The following AEBP1 variants were observed in gnomAD, a reference collection of about 807,000 sequenced individuals.
The protein encoded by AEBP1 is AE binding protein 1.
In AEBP1, 69 loss-of-function variants were observed where a neutral mutation model predicts 116.5. That is an observed-to-expected ratio of 0.59 (90% CI 0.49 to 0.72). The LOEUF is 0.72. Among genes scored for constraint, AEBP1 ranks in the 30% least tolerant of loss-of-function variants. The probability of loss-of-function intolerance (pLI) is 0.00; values close to 1 mark genes in which losing one functional copy is unlikely to be tolerated. For synonymous variants in AEBP1, 627 were observed against 627.3 expected, an observed-to-expected ratio of 1.00 and a Z score of 0.01; for missense variants, 1,444 against 1,557.5, an observed-to-expected ratio of 0.93 and a Z score of 1.23.
intron 1 of AEBP1, among the ~76,000 whole-genome samples, chr7:44,105,349 TGA>T (rs1256215286): frequency 1.3e-5 from 2 of 151,980 alleles, no homozygotes; most frequent in East Asian, 3.9e-4. Context: ...CTCACGTAGG[TGA>T]GAGAGTTTCA....
chr7:44,104,908 G>C lies in AEBP1; in HGVS notation c.243G>C (p.Thr81=). 6.5e-7 allele frequency: 1 copy of C among 1,543,694 alleles called. No homozygotes were observed. The highest frequency in any genetic ancestry group is 8.7e-7 in the Non-Finnish European group (1 of 1,143,592). The change falls in exon 1 of 21, where the codon ACG becomes ACC. Residue 81 remains threonine, a synonymous_variant. Transcript: ENST00000223357. Reference sequence around the variant, plus strand: ...GCAAGCCAGGGAAGCGGCCAGGGACGGCCGCAGAAGGTAAGAGCCCAGGGC... The same window carrying C: ...GCAAGCCAGGGAAGCGGCCAGGGACCGCCGCAGAAGGTAAGAGCCCAGGGC... The part of the protein sequence containing the change: ...AGGKPGKRPG[T]AAEVPPEKTK...
Position 44,111,971 on chromosome 7 carries a change from T to C in AEBP1, c.1958T>C (p.Val653Ala). Residue 653 changes from valine to alanine, a missense_variant, in exon 16 of 21, where the codon GTG (valine) becomes GCG (alanine). Val to Ala is a moderately conservative substitution (Grantham distance 64, BLOSUM62 0). Transcript: ENST00000223357. The surrounding 1 kb of genome is among the most constrained non-coding windows in gnomAD (Gnocchi z 4.7). ...GAGTACCGCGATGGGAACCCACGTG[T>C]GCGCAGCCTGGTGCAGGACACACGC... Reference protein sequence around the residue: ...CREYRDGNPRVRSLVQDTRIH... With the variant: ...CREYRDGNPRARSLVQDTRIH... The C allele has an allele frequency of 6.2e-7, 1 of 1,613,836 alleles. No homozygotes were observed. The highest frequency in any genetic ancestry group is 8.5e-7 in the Non-Finnish European group (1 of 1,180,020).
rs747660366 is a variant in AEBP1, at chr7:44,104,746, G to C, written c.81G>C (p.Thr27=). Residue 27 remains threonine, a synonymous_variant, in exon 1 of 21, where the codon ACG becomes ACC. Coordinates refer to ENST00000223357, the MANE Select transcript of AEBP1 (RefSeq NM_001129.5). ...TGTGCCCTGGAGGGCGCCCGCAGACGGTGCTGACCGACGACGAGATCGAGG... is the reference window on the plus strand; with the variant it reads ...TGTGCCCTGGAGGGCGCCCGCAGACCGTGCTGACCGACGACGAGATCGAGG... ...LALCPGGRPQ[T]VLTDDEIEEF... is the part of the protein sequence containing the mutation. 2 of 1,611,530 alleles carry C rather than the reference G, an allele frequency of 1.2e-6. No individual in the cohort carries two copies. Among genetic ancestry groups the C allele is most frequent in the African/African-American group, 1.3e-5 (1 of 74,900 alleles).
In AEBP1 at chr7:44,113,724, C is replaced by A. The variant is rs776691425; in HGVS notation, c.2940C>A (p.Phe980Leu). The A allele has an allele frequency of 6.2e-7, 1 of 1,613,998 alleles. No individual in the cohort carries two copies. The highest frequency in any genetic ancestry group is 1.3e-5 in the African/African-American group (1 of 74,906). ...DYDIGATQCN[F>L]ILARSNWKRI... ...ACATCGGGGCCACTCAGTGCAACTT[C>A]ATCCTGGCTCGCTCCAACTGGAAGC... The change falls in exon 21 of 21, where the codon TTC becomes TTA. Residue 980 changes from phenylalanine to leucine, a missense_variant. Phe to Leu is a conservative substitution (Grantham distance 22, BLOSUM62 0). Transcript: ENST00000223357. This position sits in a 1 kb window ranked among gnomAD's most constrained non-coding sequence, Gnocchi z 5.3.
Position 44,113,529 on chromosome 7 carries a change from CT to C in AEBP1, c.2810-64del. 7.8e-7 allele frequency: 1 copy of C among 1,285,608 alleles called. No homozygotes were observed. Among genetic ancestry groups the C allele is most frequent in the African/African-American group, 2.3e-5 (1 of 44,182 alleles). 79.6% of individuals were successfully genotyped at this position (1,285,608 alleles called of 1,614,324 possible). On this transcript the variant is annotated intron_variant, in intron 20 of 20. Transcript: ENST00000223357. This position sits in a 1 kb window ranked among gnomAD's most constrained non-coding sequence, Gnocchi z 5.3. ...GGGGAGGGCGGGGCTGGGGGCAGGACTGAGTGGGAGGGTGGGGGCCTGGGAG... is the reference window on the plus strand; with the variant it reads ...GGGGAGGGCGGGGCTGGGGGCAGGACGAGTGGGAGGGTGGGGGCCTGGGAG...
chr7:44,106,507 TG>T, intron 1 of AEBP1, 38 bp from the exon 2 acceptor site: 1 of 1,535,546 alleles, frequency 6.5e-7, no homozygotes, highest in Non-Finnish European at 8.8e-7. Context: ...GGCACAGAGC[TG>T]GCTCTGTTCA....
Position 44,113,432 on chromosome 7 carries a change from G to T in AEBP1, c.2809+81G>T. 6.7e-7 allele frequency: 1 copy of T among 1,495,576 alleles called. No individual in the cohort carries two copies. Among genetic ancestry groups the T allele is most frequent in the South Asian group, 1.2e-5 (1 of 82,328 alleles). 92.6% of individuals were successfully genotyped at this position (1,495,576 alleles called of 1,614,324 possible). A position where few individuals can be genotyped will look rare whatever the true frequency, so the allele number is the denominator to read the frequency against. ...GGTGGGGGCTTGAGGAACTCAGCGA[G>T]CAGGTAGAGTCTGGGGAGCCTGGGG... On this transcript the variant is annotated intron_variant, in intron 20 of 20. Transcript: ENST00000223357. This position sits in a 1 kb window ranked among gnomAD's most constrained non-coding sequence, Gnocchi z 5.3.
At chr7:44,109,470 C>T (rs1040251347) in intron 9 of AEBP1, 129 bp downstream of exon 9, 70 of 1,170,972 alleles carry the variant, frequency 6.0e-5, no homozygotes, top group Non-Finnish European at 7.9e-5. Flanking sequence ...TCTTGGGACC[C>T]AGAAGGGAGG....
chr7:44,104,811 C>A lies in AEBP1; in HGVS notation c.146C>A (p.Pro49His), dbSNP rs546918357. The A allele has an allele frequency of 3.7e-6, 6 of 1,606,648 alleles. No individual in the cohort carries two copies. The highest frequency in any genetic ancestry group is 4.5e-5 in the East Asian group (2 of 44,506). ...EGFLSELEPE[P>H]REDDVEAPPP... is the part of the protein sequence containing the mutation. ...TTCCTGTCAGAGCTAGAACCTGAGC[C>A]CCGGGAGGACGACGTGGAGGCCCCG... Residue 49 changes from proline to histidine, a missense_variant, in exon 1 of 21, where the codon CCC (proline) becomes CAC (histidine). By Grantham distance (77) the Pro-to-His change is moderately conservative (BLOSUM62 -2). Coordinates refer to ENST00000223357, the MANE Select transcript of AEBP1 (RefSeq NM_001129.5).
rs778213885 is a variant in AEBP1 at position 44,109,350 on chromosome 7, G to A, written c.1150+9G>A. 3.4e-5 allele frequency: 54 copies of A among 1,574,042 alleles called. No individual in the cohort carries two copies. The highest frequency in any genetic ancestry group is 4.6e-5 in the Non-Finnish European group (54 of 1,161,744). ...GCCTACGGAGAAAGTCAGTAAGTGG[G>A]GGGCACAAGGGGGTGAGGGTGGGGG... On this transcript the variant is annotated intron_variant, in intron 9 of 20. Coordinates refer to ENST00000223357, the MANE Select transcript of AEBP1 (RefSeq NM_001129.5).
At chr7:44,106,494 G>C in intron 1 of AEBP1, 52 bp from the exon 2 acceptor site, 1 of 1,510,002 alleles carries the variant, frequency 6.6e-7, no homozygotes, top group Non-Finnish European at 8.9e-7. Context: ...GGGGCCTCAT[G>C]GGGGCACAGA....
At chr7:44,105,223 C>T (rs1198174783) in intron 1 of AEBP1, among the ~76,000 whole-genome samples, 1 of 152,200 alleles carries the variant, frequency 6.6e-6, no homozygotes, top group Non-Finnish European at 1.5e-5. Context: ...TAGGCTTGAG[C>T]CACAGGGGAC....
At chr7:44,110,392 A>C (rs1226183069) in intron 11 of AEBP1, 46 bp downstream of exon 11, 1 of 1,612,396 alleles carries the variant, frequency 6.2e-7, no homozygotes, top group Non-Finnish European at 8.5e-7. Context: ...GAGTGGCTAC[A>C]TAGGCATGGC....
rs760018361 is a variant in AEBP1, at chr7:44,108,113, G to A, written c.940+29G>A. ...AGTACCCAGCACCCCAGAGTCTGAG[G>A]GACATAGGCAGGTGGGGGTCGGGGC... On this transcript the variant is annotated intron_variant, in intron 6 of 20. Coordinates refer to ENST00000223357, the MANE Select transcript of AEBP1 (RefSeq NM_001129.5). This position sits in a 1 kb window ranked among gnomAD's most constrained non-coding sequence, Gnocchi z 5.0. 3.4e-5 allele frequency: 54 copies of A among 1,577,602 alleles called. No homozygotes were observed. In the Admixed American group the frequency reaches 4.0e-4, roughly 12 times the overall value.
chr7:44,110,368 T>C (rs749590785), intron 11 of AEBP1, 22 bp downstream of exon 11: 1 of 1,613,310 alleles, frequency 6.2e-7, no homozygotes, highest in South Asian at 1.1e-5. Flanking sequence ...GGCTCATGGA[T>C]AGTTGGCAGA....
At chr7:44,110,692 A>C in intron 11 of AEBP1, 33 bp from the exon 12 acceptor site, 2 of 1,501,714 alleles carry the variant, frequency 1.3e-6, no homozygotes, top group Non-Finnish European at 1.8e-6. Flanking sequence ...GGGAGGGGGA[A>C]GACCCTTGCT....
Position 44,114,300 on chromosome 7 carries a change from ACAGCAG to A in AEBP1, c.*45_*50del. On this transcript the variant is annotated 3_prime_UTR_variant, in exon 21 of 21. Coordinates refer to ENST00000223357, the MANE Select transcript of AEBP1 (RefSeq NM_001129.5). The stretch of plus-strand genomic sequence containing the variant: ...CCAAGACCCCAGCCCAACTCAAGCT[ACAGCAG>A]CAGCACTTCCCAAGCCTGCTGACCA... 6.2e-7 allele frequency: 1 copy of A among 1,606,142 alleles called. No homozygotes were observed. Among genetic ancestry groups the A allele is most frequent in the Non-Finnish European group, 8.5e-7 (1 of 1,174,036 alleles).
rs2096230272 is a variant in AEBP1 at position 44,112,224 on chromosome 7, CTG to C, written c.2123_2124del (p.Val708AlafsTer5). On this transcript the variant is annotated frameshift_variant, in exon 17 of 21. Transcript: ENST00000223357. LOFTEE classifies it high-confidence loss of function. The surrounding 1 kb of genome is among the most constrained non-coding windows in gnomAD (Gnocchi z 6.6). ...TTTGAAGATTTCCCGGATCTCAACTCTGTGCTCTGGGGAGCTGAGGAGAGGAA... is the reference window on the plus strand; with the variant it reads ...TTTGAAGATTTCCCGGATCTCAACTCTGCTCTGGGGAGCTGAGGAGAGGAA... The C allele has an allele frequency of 6.2e-7, 1 of 1,609,842 alleles. No homozygotes were observed. The highest frequency in any genetic ancestry group is 2.2e-5 in the East Asian group (1 of 44,720).
chr7:44,112,143 GC>G lies in AEBP1; in HGVS notation c.2040del (p.Ser681GlnfsTer82), dbSNP rs759441019. ...PDGYEVAAQM[G>X]SEFGNWALGL... ...GCCTACCCTGCTGGCTCCCCACAGGGCTCAGAGTTTGGGAACTGGGCGCTGG... is the reference window on the plus strand; with the variant it reads ...GCCTACCCTGCTGGCTCCCCACAGGGTCAGAGTTTGGGAACTGGGCGCTGG... On this transcript the variant is annotated frameshift_variant and splice_region_variant, in exon 17 of 21. Coordinates refer to ENST00000223357, the MANE Select transcript of AEBP1 (RefSeq NM_001129.5). LOFTEE classifies it high-confidence loss of function. This position sits in a 1 kb window ranked among gnomAD's most constrained non-coding sequence, Gnocchi z 6.6. The G allele has an allele frequency of 6.3e-7, 1 of 1,597,932 alleles. No homozygotes were observed. The highest frequency in any genetic ancestry group is 1.1e-5 in the South Asian group (1 of 89,910).
Sources: allele counts gnomAD v4.1 joint callset (sites outside exome capture counted in the v4.1 genomes callset), GRCh38; gene constraint gnomAD v4.1.1; non-coding constraint Gnocchi (gnomAD v3.1); transcripts MANE v1.5; gene names NCBI Gene and HGNC (gene_info 2026-07-23, HGNC 2026-07-21).